LHFPL3: variants seen among roughly 807,000 people sequenced by gnomAD.
LHFPL3 encodes the protein LHFPL tetraspan subfamily member 3 protein.
A neutral mutation model predicts 19.3 loss-of-function variants in LHFPL3; 5 were observed. The observed-to-expected ratio is 0.26, with a 90% CI of 0.14 to 0.54. The LOEUF is 0.54. Ranked by LOEUF, LHFPL3 falls within the 20% of genes least tolerant of loss-of-function variation. The pLI is 0.94. For synonymous variants in LHFPL3, 133 were observed against 126.2 expected (o/e 1.05, Z -0.36); for missense variants, 249 against 307.4 (o/e 0.81, Z 1.42).
At chr7:104,354,131 CTTG>C (rs1179980209) in intron 1 of LHFPL3, among the ~76,000 whole-genome samples, 1 of 152,140 alleles carries the variant, frequency 6.6e-6, no homozygotes, top group Non-Finnish European at 1.5e-5. Flanking sequence ...ATTTATTTCT[CTTG>C]TTGTTATCCA....
At chr7:104,797,074 G>T (rs2116462961) in intron 2 of LHFPL3, 1 of 152,432 alleles carries the variant, frequency 6.6e-6, no homozygotes, top group Middle Eastern at 3.4e-3. Context: ...ATTTTGTTTG[G>T]CTTAAGTGCA....
chr7:104,761,523 T>C (rs1280954770), intron 2 of LHFPL3, among the ~76,000 whole-genome samples: 1 of 152,188 alleles, frequency 6.6e-6, no homozygotes, highest in Non-Finnish European at 1.5e-5. Flanking sequence ...GTCACCATGT[T>C]CTGCTCTGTA....
At chr7:104,363,551 G>A (rs1790431485) in intron 1 of LHFPL3, among the ~76,000 whole-genome samples, 2 of 152,234 alleles carry the variant, frequency 1.3e-5, no homozygotes, top group South Asian at 4.1e-4. Flanking sequence ...TGATGGAGCA[G>A]CCACTGTCTG....
chr7:104,415,499 T>C (rs1791603866), intron 1 of LHFPL3, among the ~76,000 whole-genome samples: 1 of 152,130 alleles, frequency 6.6e-6, no homozygotes, highest in East Asian at 1.9e-4. Flanking sequence ...TTTTTGAAAA[T>C]TAATAATATT....
Position 104,537,892 on chromosome 7 carries a change from A to C in LHFPL3, c.446-198783A>C, listed in dbSNP as rs567519699. Among the ~76,000 whole-genome samples, 6 of 152,302 alleles carry C rather than the reference A, an allele frequency of 3.9e-5. No individual in the cohort carries two copies. In the South Asian group the frequency reaches 1.2e-3, roughly 32 times the overall value. On this transcript the variant is annotated intron_variant, in intron 1 of 2. Transcript: ENST00000424859. ...ATAAAGAAATGATTACTTTCCATCA[A>C]GGTCCTTCTTGGGCAGGTAAAGGCT...
At chr7:104,432,248 G>A (rs991053940) in intron 1 of LHFPL3, among the ~76,000 whole-genome samples, 5 of 152,108 alleles carry the variant, frequency 3.3e-5, no homozygotes, top group African/African-American at 9.7e-5. Context: ...TGTACATCCT[G>A]TAGCTTCTGT....
At chr7:104,766,561 G>A (rs1794462080) in intron 2 of LHFPL3, among the ~76,000 whole-genome samples, 1 of 152,110 alleles carries the variant, frequency 6.6e-6, no homozygotes, top group Non-Finnish European at 1.5e-5. Context: ...TGAAATTACT[G>A]GGGAAAAGGG....
At chr7:104,345,990 C>G (rs1025200675) in intron 1 of LHFPL3, among the ~76,000 whole-genome samples, 1 of 150,984 alleles carries the variant, frequency 6.6e-6, no homozygotes, top group African/African-American at 2.4e-5. Context: ...TCTTACTTTA[C>G]TATAAGCTCA....
At chr7:104,364,586 A>G (rs1227049264) in intron 1 of LHFPL3, among the ~76,000 whole-genome samples, 1 of 152,198 alleles carries the variant, frequency 6.6e-6, no homozygotes, top group Non-Finnish European at 1.5e-5. Context: ...ATGCTGGGTT[A>G]TGGTCACAAC....
At chr7:104,710,104 C>T (rs574747497) in intron 1 of LHFPL3, among the ~76,000 whole-genome samples, 5 of 152,324 alleles carry the variant, frequency 3.3e-5, no homozygotes, top group Non-Finnish European at 4.4e-5. Flanking sequence ...GCAGATCACT[C>T]GAGGTCAGGA....
chr7:104,781,110 A>C (rs928724331), intron 2 of LHFPL3, among the ~76,000 whole-genome samples: 1 of 152,166 alleles, frequency 6.6e-6, no homozygotes, highest in African/African-American at 2.4e-5. Context: ...AGGGAAAAAA[A>C]AATTCACGTA....
At chr7:104,681,087 C>T (rs764815302) in intron 1 of LHFPL3, among the ~76,000 whole-genome samples, 6 of 151,016 alleles carry the variant, frequency 4.0e-5, no homozygotes, top group South Asian at 4.2e-4. Flanking sequence ...TTATTAAGCA[C>T]TTATTAAGTA....
chr7:104,754,673 A>G (rs546555560), intron 2 of LHFPL3, among the ~76,000 whole-genome samples: 4 of 152,338 alleles, frequency 2.6e-5, no homozygotes, highest in African/African-American at 9.6e-5. Context: ...TTGCGAAAGA[A>G]CCCTGGCCTC....
intron 1 of LHFPL3, among the ~76,000 whole-genome samples, chr7:104,603,870 A>G (rs1435161009): frequency 6.6e-6 from 1 of 152,206 alleles, no homozygotes; most frequent in African/African-American, 2.4e-5. Flanking sequence ...AGCCACCCCA[A>G]GGCCTCAGGC....
chr7:104,550,184 C>T (rs1201414177), intron 1 of LHFPL3, among the ~76,000 whole-genome samples: 2 of 151,824 alleles, frequency 1.3e-5, no homozygotes, highest in Admixed American at 6.6e-5. Context: ...TGATGCTCAC[C>T]CACATTAGGA....
chr7:104,426,414 G>A (rs927441468), intron 1 of LHFPL3, among the ~76,000 whole-genome samples: 2 of 152,046 alleles, frequency 1.3e-5, no homozygotes, highest in African/African-American at 2.4e-5. Flanking sequence ...GTGCCACCAC[G>A]CCCAGCTAAT....
At chr7:104,679,145 C>T (rs1261255006) in intron 1 of LHFPL3, among the ~76,000 whole-genome samples, 1 of 152,164 alleles carries the variant, frequency 6.6e-6, no homozygotes, top group African/African-American at 2.4e-5. Flanking sequence ...AGCTGCTGGC[C>T]AGGGCTGCAG....
chr7:104,761,719 C>T (rs570383191), intron 2 of LHFPL3, among the ~76,000 whole-genome samples: 9 of 152,338 alleles, frequency 5.9e-5, no homozygotes, highest in African/African-American at 2.2e-4. Context: ...GAGTGAATTT[C>T]TTCAAATACA....
At chr7:104,791,134 A>T (rs944269756) in intron 2 of LHFPL3, among the ~76,000 whole-genome samples, 1 of 152,136 alleles carries the variant, frequency 6.6e-6, no homozygotes, top group African/African-American at 2.4e-5. Context: ...TTCTGAGCTG[A>T]TTCCTCTCCA....
Sources: gnomAD v4.1 joint callset for allele counts (sites outside exome capture counted in the v4.1 genomes callset) on GRCh38, gnomAD v4.1.1 for gene constraint, MANE v1.5 for transcripts, NCBI Gene and HGNC (gene_info 2026-07-23, HGNC 2026-07-21) for gene names.